LHFPL3: variants seen among roughly 807,000 people sequenced by gnomAD.
The protein encoded by LHFPL3 is LHFPL tetraspan subfamily member 3 protein.
LHFPL3 carries 5 observed loss-of-function variants against 19.3 expected under a neutral mutation model. The ratio of observed to expected loss-of-function variants is 0.26; its 90% CI spans 0.14 to 0.54. The LOEUF (loss-of-function observed/expected upper bound fraction) is 0.54. LHFPL3 is among the 20% of genes least tolerant of loss of function. The pLI is 0.94. For missense variants in LHFPL3, 249 were observed against 307.4 expected (o/e 0.81, Z 1.42); for synonymous variants, 133 against 126.2 (o/e 1.05, Z -0.36).
At chr7:104,410,549 G>A (rs1383574586) in intron 1 of LHFPL3, among the ~76,000 whole-genome samples, 1 of 152,202 alleles carries the variant, frequency 6.6e-6, no homozygotes, top group Non-Finnish European at 1.5e-5. Flanking sequence ...TAACATAAAT[G>A]TAGGTGTCTG....
chr7:104,357,337 A>T (rs1407605681), intron 1 of LHFPL3, among the ~76,000 whole-genome samples: 3 of 152,210 alleles, frequency 2.0e-5, no homozygotes, highest in Non-Finnish European at 2.9e-5. Flanking sequence ...CCAGGTTAAC[A>T]AATATAAATG....
intron 1 of LHFPL3, among the ~76,000 whole-genome samples, chr7:104,518,396 A>G (rs1325152797): frequency 2.6e-5 from 4 of 152,204 alleles, no homozygotes; most frequent in Non-Finnish European, 5.9e-5. Context: ...GAATAATAAT[A>G]GCAGAAATAG....
At chr7:104,591,294 T>G (rs1584423358) in intron 1 of LHFPL3, among the ~76,000 whole-genome samples, 2 of 152,220 alleles carry the variant, frequency 1.3e-5, no homozygotes, top group Non-Finnish European at 2.9e-5. Flanking sequence ...CATGAGCTCT[T>G]GTAAGGCAGG....
chr7:104,692,307 G>A (rs1357939738), intron 1 of LHFPL3, among the ~76,000 whole-genome samples: 2 of 152,212 alleles, frequency 1.3e-5, no homozygotes, highest in Non-Finnish European at 2.9e-5. Context: ...ATTTAAGATT[G>A]CTGCAGAAAT....
intron 1 of LHFPL3, among the ~76,000 whole-genome samples, chr7:104,575,559 T>TA (rs58118006): frequency 0.049 from 1,763 of 36,114 alleles, 78 homozygotes; most frequent in Non-Finnish European, 0.071. Flanking sequence ...CAAAGAGATC[T>TA]AAAAAAAAAA....
At chr7:104,686,990 C>T (rs1792817950) in intron 1 of LHFPL3, among the ~76,000 whole-genome samples, 1 of 152,192 alleles carries the variant, frequency 6.6e-6, no homozygotes, top group Admixed American at 6.5e-5. Context: ...CAACTGCCCC[C>T]ATAATCTAAT....
chr7:104,663,559 T>C (rs1402619134), intron 1 of LHFPL3, among the ~76,000 whole-genome samples: 1 of 152,204 alleles, frequency 6.6e-6, no homozygotes, highest in Non-Finnish European at 1.5e-5. Flanking sequence ...ATGTACAACA[T>C]GCAGAGTTGT....
At chr7:104,788,300 G>A (rs915805289) in intron 2 of LHFPL3, among the ~76,000 whole-genome samples, 1 of 152,128 alleles carries the variant, frequency 6.6e-6, no homozygotes, top group Non-Finnish European at 1.5e-5. Flanking sequence ...ATCTGAAATG[G>A]CTCTTCAAGA....
intron 1 of LHFPL3, among the ~76,000 whole-genome samples, chr7:104,601,603 T>C (rs1348758602): frequency 6.6e-6 from 1 of 152,118 alleles, no homozygotes; most frequent in African/African-American, 2.4e-5. Context: ...AAAATGTGAA[T>C]GGCCAGAGCA....
chr7:104,860,267 T>C (rs1000357364), intron 2 of LHFPL3, among the ~76,000 whole-genome samples: 1 of 152,044 alleles, frequency 6.6e-6, no homozygotes, highest in Non-Finnish European at 1.5e-5. Flanking sequence ...CGGCTCTCCC[T>C]GCCCAATGCA....
intron 1 of LHFPL3, among the ~76,000 whole-genome samples, chr7:104,656,633 G>A (rs1250226166): frequency 6.6e-6 from 1 of 152,194 alleles, no homozygotes; most frequent in East Asian, 1.9e-4. Context: ...AACCTGAGGA[G>A]AGCTTGCCCA....
intron 1 of LHFPL3, among the ~76,000 whole-genome samples, chr7:104,636,347 C>T (rs1277554635): frequency 1.3e-5 from 2 of 152,024 alleles, no homozygotes; most frequent in Non-Finnish European, 2.9e-5. Context: ...AATGGGAGAA[C>T]AATGAAACAC....
At chr7:104,337,785 T>C (rs916463485) in intron 1 of LHFPL3, among the ~76,000 whole-genome samples, 4 of 152,200 alleles carry the variant, frequency 2.6e-5, no homozygotes, top group Non-Finnish European at 4.4e-5. Context: ...ATTGAATTCA[T>C]CTAAAATTCA....
chr7:104,834,436 T>C (rs1219983663), intron 2 of LHFPL3, among the ~76,000 whole-genome samples: 2 of 152,062 alleles, frequency 1.3e-5, no homozygotes, highest in East Asian at 3.8e-4. Context: ...GTCTCTTAGC[T>C]GCCCTCATAC....
intron 1 of LHFPL3, among the ~76,000 whole-genome samples, chr7:104,647,144 T>G (rs1339671906): frequency 6.6e-6 from 1 of 152,220 alleles, no homozygotes; most frequent in East Asian, 1.9e-4. Flanking sequence ...CTTCCTGTTT[T>G]TACTATTTGT....
At chr7:104,797,826 G>A (rs2116465197) in intron 2 of LHFPL3, among the ~76,000 whole-genome samples, 1 of 152,276 alleles carries the variant, frequency 6.6e-6, no homozygotes, top group East Asian at 1.9e-4. Context: ...TAAGGCAAAA[G>A]GATTGCTTGA....
At chr7:104,575,190 T>A (rs1185736815) in intron 1 of LHFPL3, among the ~76,000 whole-genome samples, 5 of 152,184 alleles carry the variant, frequency 3.3e-5, no homozygotes, top group Admixed American at 6.5e-5. Context: ...GGAATCCCAT[T>A]TTCTCCATTT....
chr7:104,825,442 T>G (rs1051120834), intron 2 of LHFPL3, among the ~76,000 whole-genome samples: 1 of 151,870 alleles, frequency 6.6e-6, no homozygotes, highest in Non-Finnish European at 1.5e-5. Flanking sequence ...GGTCTGTGAT[T>G]TGGGGCAAGT....
chr7:104,855,611 A>G (rs537715397), intron 2 of LHFPL3, among the ~76,000 whole-genome samples: 2 of 149,258 alleles, frequency 1.3e-5, no homozygotes, highest in East Asian at 3.9e-4. Context: ...ATATCCAAAT[A>G]ACTCCAGATT....
Sources: allele counts gnomAD v4.1 joint callset (sites outside exome capture counted in the v4.1 genomes callset), GRCh38; gene constraint gnomAD v4.1.1; transcripts MANE v1.5; gene names NCBI Gene and HGNC (gene_info 2026-07-23, HGNC 2026-07-21).